The following HEATR4 variants were observed in gnomAD, a reference collection of about 807,000 sequenced individuals.
HEATR4 encodes the protein HEAT repeat containing 4.
Under a neutral mutation model 108.8 loss-of-function variants are expected in HEATR4, and 95 were observed. The observed-to-expected ratio is 0.87, with a 90% CI of 0.74 to 1.04. HEATR4 has a LOEUF of 1.04. Among genes scored for constraint, HEATR4 ranks in the 50% least tolerant of loss-of-function variants. The pLI is 0.00. For missense variants in HEATR4, 1,152 were observed against 1,253.8 expected, an observed-to-expected ratio of 0.92 and a Z score of 1.23; for synonymous variants, 443 against 459.4, an observed-to-expected ratio of 0.96 and a Z score of 0.46.
At chr14:73,577,423 C>T in the HEATR4 span, among the ~76,000 whole-genome samples, 5,666 of 136,954 alleles carry the variant, frequency 0.041, 182 homozygotes, top group Middle Eastern at 0.09. Context: ...ATTTAGAGTA[C>T]ACATGACCTG....
rs1226385081 is a variant in HEATR4, at chr14:73,522,654, G to A, written c.499C>T (p.His167Tyr). The change falls in exon 3 of 18, where the codon CAT becomes TAT. Residue 167 changes from histidine to tyrosine, a missense_variant. Transcript: ENST00000553558. ...VREAPRPLIH[H>Y]PCMHPDMLGR... is the part of the protein sequence containing the mutation. The stretch of plus-strand genomic sequence containing the variant: ...AGCATATCTGGATGCATGCAGGGAT[G>A]ATGGATGAGAGGGCGGGGTGCTTCC... The A allele has an allele frequency of 4.3e-6, 7 of 1,614,136 alleles. No individual in the cohort carries two copies. Among genetic ancestry groups the A allele is most frequent in the Non-Finnish European group, 5.9e-6 (7 of 1,180,050 alleles).
chr14:73,483,990 G>T (rs1292712401), intron 17 of HEATR4, among the ~76,000 whole-genome samples: 1 of 151,998 alleles, frequency 6.6e-6, no homozygotes, highest in African/African-American at 2.4e-5. Flanking sequence ...GAGTAGCTGG[G>T]ATTACAGGCA....
chr14:73,593,884 T>A, the HEATR4 span: 1 of 1,612,868 alleles, frequency 6.2e-7, no homozygotes, highest in Non-Finnish European at 8.5e-7. Flanking sequence ...AGCCGTATGC[T>A]ACATGCTTCA....
intron 16 of HEATR4, 38 bp downstream of exon 16, chr14:73,495,190 A>T: frequency 6.3e-7 from 1 of 1,579,174 alleles, no homozygotes; most frequent in Non-Finnish European, 8.6e-7. Flanking sequence ...GGCTTATTAA[A>T]GGAATCAAGG....
the HEATR4 span, among the ~76,000 whole-genome samples, chr14:73,577,881 C>T: frequency 6.6e-6 from 1 of 151,668 alleles, no homozygotes; most frequent in African/African-American, 2.4e-5. Flanking sequence ...GACAGAGTCT[C>T]ACTCTGTTGC....
chr14:73,499,275 G>A, intron 12 of HEATR4, 135 bp from the exon 13 acceptor site: 2 of 745,146 alleles, frequency 2.7e-6, no homozygotes, highest in African/African-American at 1.7e-5. Context: ...GACATCAGGA[G>A]TTTGAGACCA....
At chr14:73,602,581 C>A in the HEATR4 span, among the ~76,000 whole-genome samples, 1 of 152,174 alleles carries the variant, frequency 6.6e-6, no homozygotes, top group Non-Finnish European at 1.5e-5. Flanking sequence ...CCTCCTGACT[C>A]CTTCTTCCAA....
rs768675316 is a variant in HEATR4, at chr14:73,496,591, A to T, written c.2625+10T>A. On this transcript the variant is annotated intron_variant, in intron 15 of 17. Coordinates refer to ENST00000553558, the MANE Select transcript of HEATR4 (RefSeq NM_001220484.1). ...ATTTTCTCTTGAGAACAGAGCTTGC[A>T]CTTATTTACCCTGTTCTTGATCTCC... The T allele has an allele frequency of 7.7e-6, 12 of 1,568,188 alleles. No homozygotes were observed. In the Admixed American group the frequency reaches 2.0e-4, roughly 26 times the overall value.
the HEATR4 span, chr14:73,569,397 G>T: frequency 9.3e-6 from 15 of 1,613,884 alleles, no homozygotes; most frequent in African/African-American, 5.3e-5. Flanking sequence ...GCTGAGGCAG[G>T]TTGGTCAGAT....
Position 73,551,688 on chromosome 14 carries a change from G to A in HEATR4, c.-152+7063C>T, listed in dbSNP as rs1320859551. 3.6e-5 allele frequency among the ~76,000 whole-genome samples: 4 copies of A among 110,678 alleles called. 1 individual carries two copies. The highest frequency in any genetic ancestry group is 1.5e-3 in the East Asian group (2 of 1,374). The allele number at this position is 110,678 out of a possible 152,430, so 72.6% of individuals were successfully genotyped here. A position where few individuals can be genotyped will look rare whatever the true frequency, so the allele number is the denominator to read the frequency against. ...CCGGGTGTGGTGGTGCGCACCTGTA[G>A]TCCCAGCTACTCAGGAGGCTGAGGC... On this transcript the variant is annotated intron_variant, in intron 1 of 17. Transcript: ENST00000553558.
At chr14:73,576,944 T>C in the HEATR4 span, among the ~76,000 whole-genome samples, 1 of 146,746 alleles carries the variant, frequency 6.8e-6, no homozygotes, top group African/African-American at 2.5e-5. Context: ...TTTTTTTTTT[T>C]TTTTGAGAGA....
chr14:73,494,130 C>G (rs1353251387), intron 16 of HEATR4, among the ~76,000 whole-genome samples: 1 of 152,146 alleles, frequency 6.6e-6, no homozygotes, highest in Non-Finnish European at 1.5e-5. Flanking sequence ...AGTTACTTTC[C>G]ACTCTCATTT....
chr14:73,538,256 G>C lies in HEATR4; in HGVS notation c.-151-8012C>G, dbSNP rs1489995653. On this transcript the variant is annotated intron_variant, in intron 1 of 17. Coordinates refer to ENST00000553558, the MANE Select transcript of HEATR4 (RefSeq NM_001220484.1). Reference sequence around the variant, plus strand: ...GGAGACAGGAATGGAATGGAAAGTTGGTTGGGGAATTGCCCCTGCCGCTCC... The same window carrying C: ...GGAGACAGGAATGGAATGGAAAGTTCGTTGGGGAATTGCCCCTGCCGCTCC... 2.6e-5 allele frequency among the ~76,000 whole-genome samples: 3 copies of C among 115,068 alleles called. 1 individual carries two copies. The highest frequency in any genetic ancestry group is 5.7e-5 in the Non-Finnish European group (3 of 52,768). 75.5% of individuals were successfully genotyped at this position (115,068 alleles called of 152,430 possible).
At chr14:73,536,471 C>A (rs1406056754) in intron 1 of HEATR4, among the ~76,000 whole-genome samples, 1 of 98,544 alleles carries the variant, frequency 1.0e-5, no homozygotes, top group African/African-American at 3.3e-5. Context: ...GATGGTAAAC[C>A]GCCGCTGTAC....
At chr14:73,615,428 C>T in the HEATR4 span, among the ~76,000 whole-genome samples, 337 of 124,642 alleles carry the variant, frequency 2.7e-3, 5 homozygotes, top group African/African-American at 0.01. Flanking sequence ...AAAAAACCAG[C>T]AACAACGAAA....
the HEATR4 span, chr14:73,592,387 G>C: frequency 6.4e-6 from 10 of 1,552,044 alleles, no homozygotes; most frequent in Non-Finnish European, 7.8e-6. Context: ...CGAGCGGGCC[G>C]GGTGCGCGCC....
chr14:73,619,985 C>A, the HEATR4 span: 1 of 916,170 alleles, frequency 1.1e-6, no homozygotes, highest in Non-Finnish European at 1.6e-6. Flanking sequence ...AATCTTGGCT[C>A]ACTGTAACCT....
chr14:73,570,129 C>T, the HEATR4 span, among the ~76,000 whole-genome samples: 1 of 150,972 alleles, frequency 6.6e-6, no homozygotes, highest in Non-Finnish European at 1.5e-5. Flanking sequence ...TTTTTCCGTC[C>T]CTGCCCTTTT....
rs1438654768 is a variant in HEATR4, at chr14:73,551,546, G to C, written c.-152+7205C>G. ...TGGCAGGCCAGGCGCGGTGGCTCAC[G>C]CCTGTAATCCCAACACTTTGGGAGG... On this transcript the variant is annotated intron_variant, in intron 1 of 17. Coordinates refer to ENST00000553558, the MANE Select transcript of HEATR4 (RefSeq NM_001220484.1). 5.3e-5 allele frequency among the ~76,000 whole-genome samples: 6 copies of C among 113,762 alleles called. 2 individuals carry two copies. The highest frequency in any genetic ancestry group is 1.7e-4 in the African/African-American group (6 of 34,950). 74.6% of individuals were successfully genotyped at this position (113,762 alleles called of 152,430 possible). A position where few individuals can be genotyped will look rare whatever the true frequency, so the allele number is the denominator to read the frequency against.
Sources: gnomAD v4.1 joint callset for allele counts (sites outside exome capture counted in the v4.1 genomes callset) on GRCh38, gnomAD v4.1.1 for gene constraint, MANE v1.5 for transcripts, NCBI Gene and HGNC (gene_info 2026-07-23, HGNC 2026-07-21) for gene names.